PCSK5: variants seen among roughly 807,000 people sequenced by gnomAD.
The protein encoded by PCSK5 is prohormone convertase 5.
Under a neutral mutation model 233.2 loss-of-function variants are expected in PCSK5, and 129 were observed. The observed-to-expected ratio is 0.55, with a 90% confidence interval of 0.48 to 0.64. The LOEUF is 0.64. Ranked by LOEUF, PCSK5 falls within the 30% of genes least tolerant of loss-of-function variation. The pLI, the probability that PCSK5 is intolerant of heterozygous loss-of-function variation, is 0.00. For missense variants in PCSK5, 2,076 were observed against 2,430.1 expected (o/e 0.85, Z 3.06); for synonymous variants, 825 against 879.2 (o/e 0.94, Z 1.09).
chr9:75,935,968 TTTGG>T (rs1824037616), intron 2 of PCSK5, among the ~76,000 whole-genome samples: 1 of 152,306 alleles, frequency 6.6e-6, no homozygotes, highest in Admixed American at 6.5e-5. Context: ...GATAGTGCAG[TTTGG>T]TTCTGGACCT....
intron 3 of PCSK5, among the ~76,000 whole-genome samples, chr9:75,993,843 C>CT (rs1826878526): frequency 6.6e-6 from 1 of 152,226 alleles, no homozygotes; most frequent in Admixed American, 6.5e-5. Flanking sequence ...GAAATGTTAT[C>CT]TACCAGGGAA....
intron 24 of PCSK5, 46 bp from the exon 25 acceptor site, chr9:76,292,187 G>A: frequency 8.7e-7 from 1 of 1,149,050 alleles, no homozygotes; most frequent in Non-Finnish European, 1.3e-6. Flanking sequence ...TTTTCCAAAT[G>A]ACGAATTCCT....
intron 2 of PCSK5, among the ~76,000 whole-genome samples, chr9:75,966,722 T>G (rs908446210): frequency 3.3e-5 from 5 of 152,190 alleles, no homozygotes; most frequent in African/African-American, 1.2e-4. Flanking sequence ...CAAATACCTA[T>G]TATGTGCCCT....
chr9:76,326,648 C>A (rs3001775), intron 32 of PCSK5, among the ~76,000 whole-genome samples: 6,591 of 152,178 alleles, frequency 0.043, 164 homozygotes, highest in South Asian at 0.075. Flanking sequence ...ATAATATAAA[C>A]AATAATAATA....
At chr9:76,170,130 A>G (rs770478110) in intron 13 of PCSK5, among the ~76,000 whole-genome samples, 4 of 152,194 alleles carry the variant, frequency 2.6e-5, no homozygotes, top group Admixed American at 6.5e-5. Flanking sequence ...CAGACTTTCT[A>G]TGTCTGTAAA....
chr9:76,003,365 C>T (rs1021994281), intron 3 of PCSK5, among the ~76,000 whole-genome samples: 5 of 152,000 alleles, frequency 3.3e-5, no homozygotes, highest in Non-Finnish European at 5.9e-5. Flanking sequence ...AGAGCGAGAC[C>T]CTGTCTCAAA....
rs144978893 is a variant in PCSK5 at position 76,157,178 on chromosome 9, G to A, written c.1430+16G>A. ...GACAAATCAAGTAATGCTTGCTGCC[G>A]GCAAACAGCATGACAATGCCCCAAA... On this transcript the variant is annotated intron_variant, in intron 11 of 37. Transcript: ENST00000674117. 88 of 1,552,820 alleles carry A rather than the reference G, an allele frequency of 5.7e-5. No individual in the cohort carries two copies. In the African/African-American group the frequency reaches 6.9e-4, roughly 12 times the overall value.
Position 76,034,104 on chromosome 9 carries a change from C to T in PCSK5, c.632+7067C>T, listed in dbSNP as rs143287024. Among the ~76,000 whole-genome samples, 54 of 152,122 alleles carry T rather than the reference C, an allele frequency of 3.5e-4. 1 individual carries two copies. The highest frequency in any genetic ancestry group is 1.2e-3 in the African/African-American group (50 of 41,516). On this transcript the variant is annotated intron_variant, in intron 5 of 37. Transcript: ENST00000674117. ...TGTGTAGGTTCTGGGAAGTGGCCTC[C>T]CACGGAAAATTGCGGTGTAATAGGA...
chr9:75,902,434 C>T (rs989971899), intron 1 of PCSK5, among the ~76,000 whole-genome samples: 14 of 151,878 alleles, frequency 9.2e-5, no homozygotes, highest in Admixed American at 2.0e-4. Flanking sequence ...GTGGCCATAG[C>T]GGCTTTACAA....
intron 5 of PCSK5, among the ~76,000 whole-genome samples, chr9:76,049,659 G>A (rs572314301): frequency 6.6e-6 from 1 of 152,272 alleles, no homozygotes; most frequent in African/African-American, 2.4e-5. Flanking sequence ...GTAACCCCAA[G>A]GAGCCCTTGG....
At chr9:76,160,534 G>A (rs182988696) in intron 12 of PCSK5, among the ~76,000 whole-genome samples, 1 of 152,178 alleles carries the variant, frequency 6.6e-6, no homozygotes, top group African/African-American at 2.4e-5. Flanking sequence ...TATAGACATA[G>A]CCACTTGTCC....
intron 3 of PCSK5, among the ~76,000 whole-genome samples, chr9:76,002,085 A>G (rs753482610): frequency 2.0e-5 from 3 of 152,256 alleles, no homozygotes; most frequent in Admixed American, 2.0e-4. Flanking sequence ...GATTTTATTC[A>G]TTCAACAACA....
intron 1 of PCSK5, among the ~76,000 whole-genome samples, chr9:75,898,372 C>CTT (rs1825895729): frequency 6.6e-6 from 1 of 152,172 alleles, no homozygotes; most frequent in South Asian, 2.1e-4. Flanking sequence ...TCAGAAGGTG[C>CTT]TTTCTAGTAA....
intron 8 of PCSK5, among the ~76,000 whole-genome samples, chr9:76,106,012 T>C (rs545305582): frequency 6.6e-6 from 1 of 152,348 alleles, no homozygotes; most frequent in African/African-American, 2.4e-5. Flanking sequence ...TACAGCACTT[T>C]GTTCCTGTGA....
Position 76,238,963 on chromosome 9 carries a change from C to A in PCSK5, c.2871C>A (p.Asn957Lys). ...GTTGCCCCTGTAACTGATCAGACAACTATGGCCGAGAGCACTTCCTGTACC... is the reference window on the plus strand; with the variant it reads ...GTTGCCCCTGTAACTGATCAGACAAATATGGCCGAGAGCACTTCCTGTACC... ...PTHCTSCGAD[N>K]YGREHFLYQG... The change falls in exon 23 of 38, where the codon AAC becomes AAA. Residue 957 changes from asparagine to lysine, a missense_variant. Around this residue, in one of 6 missense-constraint regions of PCSK5, gnomAD observed 1,510 missense variants for 1,538.1 expected, o/e 0.98. Transcript: ENST00000674117. 1 of 1,611,528 alleles carries A rather than the reference C, an allele frequency of 6.2e-7. No individual in the cohort carries two copies. Among genetic ancestry groups the A allele is most frequent in the Non-Finnish European group, 8.5e-7 (1 of 1,179,088 alleles).
chr9:76,136,547 C>T (rs111910631), intron 10 of PCSK5, among the ~76,000 whole-genome samples: 5 of 152,100 alleles, frequency 3.3e-5, no homozygotes, highest in African/African-American at 4.8e-5. Context: ...ACTGGGAAAA[C>T]GGAAGTTGCC....
intron 10 of PCSK5, among the ~76,000 whole-genome samples, chr9:76,139,772 A>G (rs1823131468): frequency 6.6e-6 from 1 of 152,098 alleles, no homozygotes. Context: ...TAGCTCATTT[A>G]CAAAAACAAA....
chr9:75,926,135 T>G (rs941391088), intron 1 of PCSK5, among the ~76,000 whole-genome samples: 9 of 152,078 alleles, frequency 5.9e-5, no homozygotes, highest in Non-Finnish European at 1.3e-4. Context: ...TTCCCCATTC[T>G]TTCATTCATT....
intron 35 of PCSK5, 112 bp downstream of exon 35, chr9:76,338,559 A>AC: frequency 1.4e-6 from 1 of 704,048 alleles, no homozygotes; most frequent in Non-Finnish European, 2.4e-6. Context: ...TTGCTTCCCT[A>AC]CCTCGTGTGT....
Sources: allele counts gnomAD v4.1 joint callset (sites outside exome capture counted in the v4.1 genomes callset), GRCh38; gene constraint gnomAD v4.1.1; regional missense constraint gnomAD v4.1.1; transcripts MANE v1.5; gene names NCBI Gene and HGNC (gene_info 2026-07-23, HGNC 2026-07-21).